IL3RA: variants seen among roughly 807,000 people sequenced by gnomAD.
IL3RA encodes the protein interleukin 3 receptor subunit alpha.
A neutral mutation model predicts 52.3 loss-of-function variants in IL3RA; 73 were observed. The ratio of observed to expected loss-of-function variants is 1.40; its 90% CI spans 1.16 to 1.70. IL3RA has a LOEUF of 1.70. IL3RA is among the 40% of genes most tolerant of loss of function. The pLI is 0.00. For missense variants in IL3RA, 664 were observed against 504.4 expected, an observed-to-expected ratio of 1.32 and a Z score of -3.03; for synonymous variants, 260 against 194.0, an observed-to-expected ratio of 1.34 and a Z score of -2.83.
chrX:1,350,457 C>CGG (rs1569521007), intron 4 of IL3RA, among the ~76,000 whole-genome samples: 2 of 151,236 alleles, frequency 1.3e-5, no homozygotes, highest in East Asian at 3.9e-4. Flanking sequence ...GGGGTGGTGG[C>CGG]ACATGCCTGT....
chrX:1,342,189 A>G (rs779871303), intron 2 of IL3RA, among the ~76,000 whole-genome samples: 31 of 152,136 alleles, frequency 2.0e-4, no homozygotes, highest in African/African-American at 7.0e-4. Flanking sequence ...TTTTGGAGAC[A>G]GGGTCTTACT....
intron 9 of IL3RA, 67 bp downstream of exon 9, chrX:1,365,319 CGCG>C (rs2087865470): frequency 7.4e-6 from 5 of 671,914 alleles, no homozygotes; most frequent in East Asian, 5.2e-5. Flanking sequence ...GAGCGGGGTG[CGCG>C]GGGTGAGCGG....
rs757594817 is a variant in IL3RA, at chrX:1,348,462, C to A, written c.215C>A (p.Ala72Glu). ...AACAATAGCTATTGCCAGTTTGGAG[C>A]AATTTCCTTATGTGAAGTGACCAAC... ...AVNNSYCQFG[A>E]ISLCEVTNYT... Residue 72 changes from alanine (A) to glutamate (E), a missense_variant, in exon 4 of 12, where the codon GCA becomes GAA. Physicochemically the swap from Ala to Glu is moderately radical, Grantham distance 107 (BLOSUM62 -1). Coordinates refer to ENST00000331035, the MANE Select transcript of IL3RA (RefSeq NM_002183.4). The A allele has an allele frequency of 4.5e-5, 72 of 1,613,728 alleles. No individual in the cohort carries two copies. The highest frequency in any genetic ancestry group is 6.1e-5 in the Non-Finnish European group (72 of 1,179,808).
rs1200615381 is a variant in IL3RA at position 1,381,009 on chromosome X, C to A, written c.981-14C>A. The A allele has an allele frequency of 1.2e-6, 2 of 1,612,778 alleles. No individual in the cohort carries two copies. On this transcript the variant is annotated splice_polypyrimidine_tract_variant and intron_variant, in intron 10 of 11. Coordinates refer to ENST00000331035, the MANE Select transcript of IL3RA (RefSeq NM_002183.4). ...TTTTGGGTTCAGAGCTGGGCCATTTCTCTTTCCTCCGAGGTATCTGGTGAT... is the reference window on the plus strand; with the variant it reads ...TTTTGGGTTCAGAGCTGGGCCATTTATCTTTCCTCCGAGGTATCTGGTGAT...
intron 4 of IL3RA, 92 bp downstream of exon 4, chrX:1,348,637 TCTTTTTCTC>T: frequency 4.1e-6 from 3 of 736,968 alleles, no homozygotes; most frequent in Non-Finnish European, 6.8e-6. Flanking sequence ...TTTTTTCTTT[TCTTTTTCTC>T]TTTCTTTCTT....
Position 1,345,192 on chromosome X carries a change from A to G in IL3RA, c.65-124A>G, listed in dbSNP as rs1161159206. ...TCAAAAAATTTAAAAAAATTAAATA[A>G]AAGAACTCCACCTCCCAAAGGTATT... On this transcript the variant is annotated intron_variant, in intron 2 of 11. Transcript: ENST00000331035. 15 of 603,800 alleles carry G rather than the reference A, an allele frequency of 2.5e-5. No individual in the cohort carries two copies. In the East Asian group the frequency reaches 2.7e-4, roughly 11 times the overall value. The allele number at this position is 603,800 out of a possible 1,614,324, so 37.4% of individuals were successfully genotyped here.
rs189735318 is a variant in IL3RA at position 1,345,402 on chromosome X, G to T, written c.151G>T (p.Glu51Ter). The T allele has an allele frequency of 4.3e-6, 7 of 1,609,306 alleles. No homozygotes were observed. Among genetic ancestry groups the T allele is most frequent in the East Asian group, 2.2e-5 (1 of 44,792 alleles). Residue 51 changes from glutamate (E) to a stop codon, truncating the protein, a stop_gained, in exon 3 of 12, where the codon GAG (glutamate) becomes TAG (stop). Coordinates refer to ENST00000331035, the MANE Select transcript of IL3RA (RefSeq NM_002183.4). LOFTEE classifies it high-confidence loss of function. ...WDLNRNVTDI[E>*]CVKDADYSMP... ...CCTTAACAGAAATGTGACCGATATC[G>T]AGTGTGTTAAAGACGCCGACTATTC...
At chrX:1,380,591 G>A (rs1383101206) in intron 10 of IL3RA, among the ~76,000 whole-genome samples, 2 of 21,414 alleles carry the variant, frequency 9.3e-5, no homozygotes, top group African/African-American at 7.0e-4. Context: ...GGAGGGGGAA[G>A]GGGGAGGAGG....
intron 7 of IL3RA, among the ~76,000 whole-genome samples, chrX:1,358,603 G>A (rs1371770181): frequency 6.6e-6 from 1 of 152,180 alleles, no homozygotes; most frequent in Non-Finnish European, 1.5e-5. Context: ...AGGTTGCAGT[G>A]AGCCGAGATC....
intron 4 of IL3RA, 82 bp from the exon 5 acceptor site, chrX:1,352,018 G>A: frequency 6.5e-7 from 1 of 1,540,430 alleles, no homozygotes; most frequent in South Asian, 1.2e-5. Flanking sequence ...ACCCGCCTCG[G>A]CCTCCCAAAA....
intron 2 of IL3RA, among the ~76,000 whole-genome samples, chrX:1,344,361 G>A (rs2085633342): frequency 6.6e-6 from 1 of 151,998 alleles, no homozygotes; most frequent in Non-Finnish European, 1.5e-5. Context: ...TTGAACCCGG[G>A]AGGCGGAGGT....
chrX:1,353,381 T>A (rs1461684972), intron 6 of IL3RA, among the ~76,000 whole-genome samples: 1 of 140,828 alleles, frequency 7.1e-6, no homozygotes, highest in Non-Finnish European at 1.5e-5. Context: ...ATGGGTTTCA[T>A]CATGGGTCAT....
rs774323492 is a variant in IL3RA at position 1,342,149 on chromosome X, TCTTA to T, written c.64+324_64+327del. Among the ~76,000 whole-genome samples the T allele has an allele frequency of 9.7e-4, 147 of 152,122 alleles. 1 individual carries two copies. The highest frequency in any genetic ancestry group is 1.8e-3 in the Non-Finnish European group (121 of 68,012). ...AATTTCCAGTTTCCTTCATTGTTTA[TCTTA>T]CTTTTTCATTTTCTTATTATTTTTA... On this transcript the variant is annotated intron_variant, in intron 2 of 11. Coordinates refer to ENST00000331035, the MANE Select transcript of IL3RA (RefSeq NM_002183.4).
At chrX:1,351,061 G>T (rs1290903333) in intron 4 of IL3RA, among the ~76,000 whole-genome samples, 1 of 151,914 alleles carries the variant, frequency 6.6e-6, no homozygotes, top group Non-Finnish European at 1.5e-5. Flanking sequence ...ACAAAAATTA[G>T]CTGGGTGTGG....
chrX:1,344,764 A>C (rs1377462088), intron 2 of IL3RA, among the ~76,000 whole-genome samples: 8 of 151,308 alleles, frequency 5.3e-5, no homozygotes, highest in African/African-American at 1.7e-4. Flanking sequence ...CAAGAGCAAA[A>C]CTCCGTCTCA....
At chrX:1,365,625 A>C (rs1323047437) in intron 9 of IL3RA, among the ~76,000 whole-genome samples, 1 of 24,390 alleles carries the variant, frequency 4.1e-5, no homozygotes, top group Non-Finnish European at 5.9e-5. Flanking sequence ...GAGCCGGGTG[A>C]GCCGGGTGAG....
At chrX:1,377,289 G>A (rs1172044747) in intron 9 of IL3RA, among the ~76,000 whole-genome samples, 1 of 151,986 alleles carries the variant, frequency 6.6e-6, no homozygotes, top group African/African-American at 2.4e-5. Flanking sequence ...TCGCCAGGCT[G>A]GAGTGCAGTG....
Position 1,353,974 on chromosome X carries a change from C to CCT in IL3RA, c.616+1469_616+1470insTC, listed in dbSNP as rs1471805733. On this transcript the variant is annotated intron_variant, in intron 6 of 11. Coordinates refer to ENST00000331035, the MANE Select transcript of IL3RA (RefSeq NM_002183.4). ...CCCCCCATCATGGGTCGTGGGACCC[C>CCT]CACCCCCATCATGGGTCATGGGAGC... Among the ~76,000 whole-genome samples, 150 of 80,546 alleles carry CCT rather than the reference C, an allele frequency of 1.9e-3. 33 individuals carry two copies. Among genetic ancestry groups the CCT allele is most frequent in the African/African-American group, 7.6e-3 (140 of 18,540 alleles). The allele number at this position is 80,546 out of a possible 152,430, so 52.8% of individuals were successfully genotyped here.
At chrX:1,356,166 AAAAG>A in intron 6 of IL3RA, 51 bp from the exon 7 acceptor site, 2 of 1,139,750 alleles carry the variant, frequency 1.8e-6, no homozygotes, top group East Asian at 4.8e-5. Context: ...GAGAAAAAGA[AAAAG>A]AATTGATTTC....
Sources: gnomAD v4.1 joint callset for allele counts (sites outside exome capture counted in the v4.1 genomes callset) on GRCh38, gnomAD v4.1.1 for gene constraint, MANE v1.5 for transcripts, NCBI Gene and HGNC (gene_info 2026-07-23, HGNC 2026-07-21) for gene names.